CDH18: variants seen among roughly 807,000 people sequenced by gnomAD.
CDH18 encodes cadherin-18.
A neutral mutation model predicts 67.9 loss-of-function variants in CDH18; 31 were observed. The ratio of observed to expected loss-of-function variants is 0.46; its 90% CI spans 0.34 to 0.62. The LOEUF (loss-of-function observed/expected upper bound fraction) is 0.62, where lower values mean the gene tolerates loss of function less well. Among genes scored for constraint, CDH18 ranks in the 20% least tolerant of loss-of-function variants. The pLI, the probability that CDH18 is intolerant of heterozygous loss-of-function variation, is 0.01. For synonymous variants in CDH18, 362 were observed against 347.2 expected (o/e 1.04, Z -0.48); for missense variants, 890 against 975.5 (o/e 0.91, Z 1.17).
At chr5:20,108,605 T>C (rs1466471908) in intron 2 of CDH18, among the ~76,000 whole-genome samples, 4 of 152,122 alleles carry the variant, frequency 2.6e-5, no homozygotes, top group African/African-American at 9.7e-5. Context: ...TGTCACCTCG[T>C]GTCTTTCATC....
chr5:20,247,721 G>A (rs886362594), intron 2 of CDH18, among the ~76,000 whole-genome samples: 4 of 148,252 alleles, frequency 2.7e-5, no homozygotes, highest in East Asian at 4.0e-4. Context: ...CAGAGATCAC[G>A]CCACTGCACT....
At chr5:19,978,285 G>A (rs962327288) in intron 2 of CDH18, among the ~76,000 whole-genome samples, 2 of 151,986 alleles carry the variant, frequency 1.3e-5, no homozygotes, top group Non-Finnish European at 2.9e-5. Context: ...CCTTCTTTTT[G>A]AGGCAACTAG....
chr5:19,879,428 G>T (rs1413811881), intron 2 of CDH18, among the ~76,000 whole-genome samples: 1 of 151,878 alleles, frequency 6.6e-6, no homozygotes. Context: ...GGGAAAAAAA[G>T]ACCTAAATGT....
intron 2 of CDH18, among the ~76,000 whole-genome samples, chr5:19,975,030 A>G (rs1383462270): frequency 6.6e-6 from 1 of 152,320 alleles, no homozygotes; most frequent in African/African-American, 2.4e-5. Flanking sequence ...CAAGAAGGAA[A>G]TGTCATATAA....
intron 8 of CDH18, among the ~76,000 whole-genome samples, chr5:19,553,734 G>A (rs1684831): frequency 0.1 from 14,833 of 148,922 alleles, 1,020 homozygotes; most frequent in African/African-American, 0.2. Flanking sequence ...TTTGCCTCCT[G>A]GGCTCAAGTG....
chr5:20,382,369 T>G (rs186544897), intron 1 of CDH18, among the ~76,000 whole-genome samples: 2 of 152,274 alleles, frequency 1.3e-5, no homozygotes, highest in African/African-American at 4.8e-5. Flanking sequence ...AGATTATGTA[T>G]AATGAATGAA....
At chr5:20,342,110 G>A (rs1466373833) in intron 1 of CDH18, among the ~76,000 whole-genome samples, 1 of 152,110 alleles carries the variant, frequency 6.6e-6, no homozygotes, top group Non-Finnish European at 1.5e-5. Flanking sequence ...ACAAACATAA[G>A]ATTTTATCAT....
At chr5:20,495,557 A>G (rs960068675) in intron 1 of CDH18, among the ~76,000 whole-genome samples, 2 of 152,136 alleles carry the variant, frequency 1.3e-5, no homozygotes, top group African/African-American at 4.8e-5. Flanking sequence ...CTCTAATTTG[A>G]AAGTGCTCCT....
chr5:20,252,090 T>G (rs1244886333), intron 2 of CDH18, among the ~76,000 whole-genome samples: 1 of 152,058 alleles, frequency 6.6e-6, no homozygotes, highest in Non-Finnish European at 1.5e-5. Context: ...GGCAACTGTA[T>G]ATAAAAAATA....
At chr5:20,018,299 T>A (rs1168372422) in intron 2 of CDH18, among the ~76,000 whole-genome samples, 2 of 152,196 alleles carry the variant, frequency 1.3e-5, no homozygotes, top group Non-Finnish European at 2.9e-5. Flanking sequence ...GAAGTAGAGT[T>A]CGGAATGTCT....
chr5:20,532,067 A>G (rs1048244964), intron 1 of CDH18, among the ~76,000 whole-genome samples: 4 of 152,162 alleles, frequency 2.6e-5, no homozygotes, highest in African/African-American at 9.6e-5. Context: ...TATTTAATAC[A>G]TAAACCTTAA....
intron 1 of CDH18, among the ~76,000 whole-genome samples, chr5:20,271,025 T>C (rs762346270): frequency 1.6e-4 from 24 of 152,000 alleles, no homozygotes; most frequent in Non-Finnish European, 3.2e-4. Context: ...GAGAGATAAC[T>C]AAATGGGTAC....
At chr5:19,792,569 A>G (rs900496785) in intron 3 of CDH18, among the ~76,000 whole-genome samples, 10 of 152,108 alleles carry the variant, frequency 6.6e-5, no homozygotes, top group African/African-American at 2.4e-4. Flanking sequence ...CCATCTTTCT[A>G]TCTATCTATC....
chr5:19,826,508 C>T (rs1203875604), intron 3 of CDH18, among the ~76,000 whole-genome samples: 1 of 152,186 alleles, frequency 6.6e-6, no homozygotes, highest in Non-Finnish European at 1.5e-5. Context: ...AAGGGAAACT[C>T]ATCAGGCTAA....
At chr5:19,673,499 T>C (rs1759044190) in intron 5 of CDH18, among the ~76,000 whole-genome samples, 1 of 152,006 alleles carries the variant, frequency 6.6e-6, no homozygotes. Flanking sequence ...ATAAAATCTT[T>C]AAAGTAAACT....
At chr5:19,692,409 G>C (rs1762013854) in intron 5 of CDH18, among the ~76,000 whole-genome samples, 1 of 152,032 alleles carries the variant, frequency 6.6e-6, no homozygotes, top group Admixed American at 6.6e-5. Context: ...AAATGCTTCT[G>C]CTCAGCAGAA....
chr5:20,421,066 G>T (rs73766062), intron 1 of CDH18, among the ~76,000 whole-genome samples: 3,255 of 150,836 alleles, frequency 0.022, 295 homozygotes, highest in African/African-American at 0.068. Flanking sequence ...AATCCTTTTT[G>T]ATTTTTTCCC....
chr5:20,165,657 T>C (rs532445814), intron 2 of CDH18, among the ~76,000 whole-genome samples: 9 of 152,210 alleles, frequency 5.9e-5, no homozygotes, highest in Admixed American at 2.6e-4. Flanking sequence ...TGCTCATCAC[T>C]CTCCCAATGA....
chr5:20,344,928 G>C (rs1740583113), intron 1 of CDH18, among the ~76,000 whole-genome samples: 1 of 152,124 alleles, frequency 6.6e-6, no homozygotes, highest in Non-Finnish European at 1.5e-5. Flanking sequence ...CATTGCATTT[G>C]TTCTAACTTG....
Sources: gnomAD v4.1 joint callset for allele counts (sites outside exome capture counted in the v4.1 genomes callset) on GRCh38, gnomAD v4.1.1 for gene constraint, MANE v1.5 for transcripts, NCBI Gene and HGNC (gene_info 2026-07-23, HGNC 2026-07-21) for gene names.